Variants in CNTNAP2 observed in about 807,000 individuals in gnomAD.
CNTNAP2 encodes the protein contactin associated protein 2.
A neutral mutation model predicts 155.2 loss-of-function variants in CNTNAP2; 98 were observed. The ratio of observed to expected loss-of-function variants is 0.63; its 90% CI spans 0.54 to 0.75. The LOEUF (loss-of-function observed/expected upper bound fraction) is 0.75. Among genes scored for constraint, CNTNAP2 ranks in the 30% least tolerant of loss-of-function variants. The probability of loss-of-function intolerance (pLI) is 0.00; values close to 1 mark genes in which losing one functional copy is unlikely to be tolerated. For missense variants in CNTNAP2, 1,727 were observed against 1,688.1 expected (o/e 1.02, Z -0.40); for synonymous variants, 651 against 631.2 (o/e 1.03, Z -0.47).
intron 10 of CNTNAP2, among the ~76,000 whole-genome samples, chr7:147,443,844 G>A (rs1797684404): frequency 6.6e-6 from 1 of 152,154 alleles, no homozygotes; most frequent in African/African-American, 2.4e-5. Context: ...AATAAACACT[G>A]CAGTTATTTG....
At chr7:147,606,998 C>A (rs1031801741) in intron 12 of CNTNAP2, among the ~76,000 whole-genome samples, 6 of 151,960 alleles carry the variant, frequency 3.9e-5, no homozygotes, top group Non-Finnish European at 8.8e-5. Context: ...GTTGAGAACA[C>A]CAATTTTAGT....
intron 21 of CNTNAP2, among the ~76,000 whole-genome samples, chr7:148,344,624 C>G (rs1259526858): frequency 6.6e-6 from 1 of 152,106 alleles, no homozygotes. Context: ...TCCTTGCCGT[C>G]CATTCAATAT....
chr7:147,233,725 A>G (rs1442488283), intron 8 of CNTNAP2, among the ~76,000 whole-genome samples: 1 of 152,048 alleles, frequency 6.6e-6, no homozygotes, highest in Non-Finnish European at 1.5e-5. Context: ...ATCCAATTAT[A>G]CCTTATTTGA....
intron 11 of CNTNAP2, among the ~76,000 whole-genome samples, chr7:147,548,782 A>G (rs1271032363): frequency 6.6e-6 from 1 of 152,148 alleles, no homozygotes; most frequent in Non-Finnish European, 1.5e-5. Context: ...ATAATTCTGT[A>G]TAAGGTGTAA....
At chr7:146,842,717 G>A (rs536459480) in intron 3 of CNTNAP2, among the ~76,000 whole-genome samples, 3 of 152,140 alleles carry the variant, frequency 2.0e-5, no homozygotes, top group Admixed American at 6.5e-5. Flanking sequence ...ACGGAGTCTC[G>A]CTCTTTCGCC....
At position 146,851,612 on chromosome 7, in the gene CNTNAP2, G is replaced by T. The variant is rs140341131; in HGVS notation, c.402+11708G>T. Among the ~76,000 whole-genome samples the T allele has an allele frequency of 7.8e-3, 1,179 of 150,356 alleles. 7 individuals are homozygous for T. Among genetic ancestry groups the T allele is most frequent in the Middle Eastern group, 0.017 (5 of 290 alleles). On this transcript the variant is annotated intron_variant, in intron 3 of 23. Coordinates refer to ENST00000361727, the MANE Select transcript of CNTNAP2 (RefSeq NM_014141.6). The stretch of plus-strand genomic sequence containing the variant: ...GGACTCTCTCCTTGGCTCGCAGGTG[G>T]TTATCTTCTCCCTGTGTTGCTTTAT...
At chr7:148,349,109 A>T (rs1351233575) in intron 21 of CNTNAP2, among the ~76,000 whole-genome samples, 1 of 152,222 alleles carries the variant, frequency 6.6e-6, no homozygotes, top group Non-Finnish European at 1.5e-5. Flanking sequence ...GAAAAAAATA[A>T]ATAAATAAAA....
intron 13 of CNTNAP2, among the ~76,000 whole-genome samples, chr7:147,853,471 A>G (rs1290196534): frequency 6.6e-6 from 1 of 151,456 alleles, no homozygotes; most frequent in Admixed American, 6.7e-5. Context: ...CTATTTATTT[A>G]TCTCCTACAC....
intron 12 of CNTNAP2, among the ~76,000 whole-genome samples, chr7:147,568,357 TCTA>T (rs1201316568): frequency 9.2e-5 from 14 of 152,326 alleles, no homozygotes; most frequent in African/African-American, 3.1e-4. Context: ...AGGCAGTAGT[TCTA>T]CTATGTAATT....
intron 1 of CNTNAP2, among the ~76,000 whole-genome samples, chr7:146,647,060 C>T (rs985047284): frequency 1.3e-5 from 2 of 152,134 alleles, no homozygotes; most frequent in African/African-American, 4.8e-5. Flanking sequence ...TGCCCTATGC[C>T]CTTGTCTCAT....
intron 21 of CNTNAP2, among the ~76,000 whole-genome samples, chr7:148,374,207 T>C (rs1329468111): frequency 6.7e-6 from 1 of 149,734 alleles, no homozygotes; most frequent in East Asian, 2.0e-4. Flanking sequence ...TTTTTTTTTC[T>C]TCTCTTGGGT....
At chr7:146,518,888 T>C (rs1393991856) in intron 1 of CNTNAP2, among the ~76,000 whole-genome samples, 2 of 151,834 alleles carry the variant, frequency 1.3e-5, no homozygotes, top group Non-Finnish European at 2.9e-5. Context: ...AGACCACATG[T>C]TGGTGCTTTT....
intron 1 of CNTNAP2, among the ~76,000 whole-genome samples, chr7:146,660,183 A>G (rs945590790): frequency 6.6e-6 from 1 of 152,226 alleles, no homozygotes; most frequent in Non-Finnish European, 1.5e-5. Flanking sequence ...AAGAAAATTC[A>G]CTGGTAAATA....
At chr7:146,687,809 C>CT (rs1168302373) in intron 1 of CNTNAP2, among the ~76,000 whole-genome samples, 1 of 152,170 alleles carries the variant, frequency 6.6e-6, no homozygotes, top group African/African-American at 2.4e-5. Flanking sequence ...ACTTTCTTTG[C>CT]TTTTGCAAGA....
intron 1 of CNTNAP2, among the ~76,000 whole-genome samples, chr7:146,771,916 T>TG (rs1802299364): frequency 6.6e-6 from 1 of 152,106 alleles, no homozygotes; most frequent in Non-Finnish European, 1.5e-5. Flanking sequence ...TAAACATTTG[T>TG]GGGGAATTTA....
intron 1 of CNTNAP2, among the ~76,000 whole-genome samples, chr7:146,638,465 G>T (rs556594629): frequency 2.3e-5 from 3 of 132,664 alleles, no homozygotes; most frequent in Non-Finnish European, 4.9e-5. Context: ...GTTTAATACA[G>T]TCAGGTGTTT....
intron 1 of CNTNAP2, among the ~76,000 whole-genome samples, chr7:146,137,420 G>T (rs992357222): frequency 6.6e-6 from 1 of 152,024 alleles, no homozygotes; most frequent in Non-Finnish European, 1.5e-5. Flanking sequence ...AAGCAAGGTG[G>T]AATATTTGCT....
chr7:147,733,927 G>A (rs2116471834), intron 13 of CNTNAP2, among the ~76,000 whole-genome samples: 1 of 152,252 alleles, frequency 6.6e-6, no homozygotes, highest in Admixed American at 6.5e-5. Flanking sequence ...TGAGACGATG[G>A]GGTTTTCTAG....
At chr7:146,925,255 T>C (rs972694709) in intron 3 of CNTNAP2, among the ~76,000 whole-genome samples, 7 of 152,146 alleles carry the variant, frequency 4.6e-5, no homozygotes, top group African/African-American at 7.2e-5. Context: ...ATCGCACCTT[T>C]ATTTCTGGCT....
Sources: gnomAD v4.1 joint callset for allele counts (sites outside exome capture counted in the v4.1 genomes callset) on GRCh38, gnomAD v4.1.1 for gene constraint, MANE v1.5 for transcripts, NCBI Gene and HGNC (gene_info 2026-07-23, HGNC 2026-07-21) for gene names.